Variants in KANSL1L observed in about 807,000 individuals in gnomAD.
The protein encoded by KANSL1L is KAT8 regulatory NSL complex subunit 1 like, also known as KAT8 regulatory NSL complex subunit 1-like protein.
A neutral mutation model predicts 108.6 loss-of-function variants in KANSL1L; 25 were observed. The ratio of observed to expected loss-of-function variants is 0.23; its 90% CI spans 0.17 to 0.32. KANSL1L has a LOEUF of 0.32. KANSL1L is among the 10% of genes least tolerant of loss of function. The pLI, the probability that KANSL1L is intolerant of heterozygous loss-of-function variation, is 1.00. For synonymous variants in KANSL1L, 405 were observed against 395.1 expected (o/e 1.03, Z -0.30); for missense variants, 1,137 against 1,125.7 (o/e 1.01, Z -0.14).
At chr2:210,038,446 G>A (rs1248963127) in intron 8 of KANSL1L, among the ~76,000 whole-genome samples, 1 of 151,960 alleles carries the variant, frequency 6.6e-6, no homozygotes, top group Non-Finnish European at 1.5e-5. Context: ...TTTTACTATA[G>A]TTGTGCCAAA....
At chr2:210,154,689 T>C (rs564576548) in intron 1 of KANSL1L, 78 bp from the exon 2 acceptor site, 1 of 787,728 alleles carries the variant, frequency 1.3e-6, no homozygotes, top group Admixed American at 3.3e-5. Flanking sequence ...GGGCAACATG[T>C]TCAATGTTTC....
chr2:210,103,945 TGGTC>T (rs2094821055), intron 4 of KANSL1L, 155 bp downstream of exon 4: 1 of 522,866 alleles, frequency 1.9e-6, no homozygotes, highest in East Asian at 3.0e-5. Context: ...TAATGGAGAC[TGGTC>T]ATATGTCAAA....
In KANSL1L at chr2:210,161,221, C is replaced by T. The variant is rs552483987; in HGVS notation, c.-29-6610G>A. On this transcript the variant is annotated intron_variant, in intron 1 of 14. Coordinates refer to ENST00000281772, the MANE Select transcript of KANSL1L (RefSeq NM_152519.4). ...CAGGCTGGTCTTAAACTCCTGACCT[C>T]AGGTGATCTGCCTACCTCAGCCTCC... 2.1e-4 allele frequency among the ~76,000 whole-genome samples: 32 copies of T among 152,158 alleles called. 1 individual carries two copies. The highest frequency in any genetic ancestry group is 5.5e-4 in the African/African-American group (23 of 41,520).
chr2:210,128,157 T>C (rs1460822425), intron 3 of KANSL1L, among the ~76,000 whole-genome samples: 1 of 152,158 alleles, frequency 6.6e-6, no homozygotes, highest in Non-Finnish European at 1.5e-5. Context: ...TGTGTACTGC[T>C]GGTGGGAATG....
intron 7 of KANSL1L, 126 bp from the exon 8 acceptor site, chr2:210,040,653 G>A (rs936027052): frequency 1.9e-5 from 9 of 484,026 alleles, no homozygotes; most frequent in Non-Finnish European, 2.9e-5. Context: ...ATAAGCAAAA[G>A]TTTGAGATGT....
chr2:210,109,336 G>A (rs2094882417), intron 3 of KANSL1L, among the ~76,000 whole-genome samples: 1 of 152,104 alleles, frequency 6.6e-6, no homozygotes, highest in Middle Eastern at 3.4e-3. Flanking sequence ...CCTAGGAGAG[G>A]CTAGGCAAAC....
At chr2:210,168,652 C>T (rs987423257) in intron 1 of KANSL1L, among the ~76,000 whole-genome samples, 5 of 151,994 alleles carry the variant, frequency 3.3e-5, no homozygotes, top group Non-Finnish European at 7.4e-5. Flanking sequence ...GGATGAAGTT[C>T]TTGGATAATG....
chr2:210,137,984 T>C (rs1461866855), intron 2 of KANSL1L, among the ~76,000 whole-genome samples: 1 of 152,144 alleles, frequency 6.6e-6, no homozygotes, highest in Non-Finnish European at 1.5e-5. Flanking sequence ...TGAGCCATCA[T>C]TGTGCCACTG....
intron 5 of KANSL1L, among the ~76,000 whole-genome samples, chr2:210,083,829 CAA>C (rs61456616): frequency 3.8e-5 from 2 of 52,900 alleles, no homozygotes; most frequent in African/African-American, 6.4e-5. Flanking sequence ...GACTCCATCT[CAA>C]AAAAAAAAAA....
intron 5 of KANSL1L, chr2:210,079,672 G>GTATATATATATATATATATATA (rs1343715938): frequency 7.8e-5 from 2 of 25,502 alleles, no homozygotes; most frequent in Non-Finnish European, 1.5e-4. Context: ...ATATGTATGT[G>GTATATATATATATATATATATA]TGTATATATA....
intron 5 of KANSL1L, chr2:210,096,441 T>C (rs2094736620): frequency 7.3e-6 from 7 of 960,882 alleles, no homozygotes; most frequent in South Asian, 9.6e-5. Flanking sequence ...AATAAATAAT[T>C]ATGCAATCAA....
chr2:210,161,035 C>T (rs2095358669), intron 1 of KANSL1L, among the ~76,000 whole-genome samples: 1 of 146,838 alleles, frequency 6.8e-6, no homozygotes, highest in African/African-American at 2.6e-5. Flanking sequence ...GTCGCCCAGG[C>T]TGGAGTGCAA....
At chr2:210,129,989 GC>G (rs2095105818) in intron 2 of KANSL1L, among the ~76,000 whole-genome samples, 1 of 56,002 alleles carries the variant, frequency 1.8e-5, no homozygotes, top group African/African-American at 4.4e-5. Context: ...GATGCAGATT[GC>G]AAAAAAAAAA....
At chr2:210,152,801 G>A (rs1010947241) in intron 2 of KANSL1L, 1 of 152,064 alleles carries the variant, frequency 6.6e-6, no homozygotes, top group Non-Finnish European at 1.5e-5. Flanking sequence ...GACAATGAGG[G>A]CTCCCTATGT....
intron 5 of KANSL1L, among the ~76,000 whole-genome samples, chr2:210,091,905 A>T (rs2094695896): frequency 6.6e-6 from 1 of 152,100 alleles, no homozygotes; most frequent in South Asian, 2.1e-4. Flanking sequence ...TGTCCTTCAC[A>T]CTCAGACTTG....
At chr2:210,037,325 T>G (rs956700346) in intron 8 of KANSL1L, among the ~76,000 whole-genome samples, 2 of 152,204 alleles carry the variant, frequency 1.3e-5, no homozygotes, top group Admixed American at 1.3e-4. Flanking sequence ...GCCATGATAC[T>G]TATCATCATA....
chr2:210,172,116 AGTT>A (rs1218416168), upstream of KANSL1L, among the ~76,000 whole-genome samples: 2 of 152,160 alleles, frequency 1.3e-5, no homozygotes, highest in Admixed American at 6.5e-5. Flanking sequence ...ATGTGGAGAT[AGTT>A]GGCCAGCGAC....
chr2:210,102,171 C>G (rs1027002180), intron 4 of KANSL1L, among the ~76,000 whole-genome samples: 6 of 152,166 alleles, frequency 3.9e-5, no homozygotes, highest in African/African-American at 1.4e-4. Context: ...GGTACCAGTA[C>G]CATGCTGTTT....
intron 5 of KANSL1L, among the ~76,000 whole-genome samples, chr2:210,082,833 T>C (rs2094601017): frequency 6.6e-6 from 1 of 152,208 alleles, no homozygotes; most frequent in African/African-American, 2.4e-5. Flanking sequence ...AGAATGTGCA[T>C]TCTCACAGAG....
Sources: allele counts gnomAD v4.1 joint callset (sites outside exome capture counted in the v4.1 genomes callset), GRCh38; gene constraint gnomAD v4.1.1; transcripts MANE v1.5; gene names NCBI Gene and HGNC (gene_info 2026-07-23, HGNC 2026-07-21).